CSMD1: variants seen among roughly 807,000 people sequenced by gnomAD.
CSMD1 encodes CUB and sushi domain-containing protein 1.
In CSMD1, 213 loss-of-function variants were observed where a neutral mutation model predicts 417.5. That is an observed-to-expected ratio of 0.51 (90% CI 0.46 to 0.57). The LOEUF is 0.57. Ranked by LOEUF, CSMD1 falls within the 20% of genes least tolerant of loss-of-function variation. The probability of loss-of-function intolerance (pLI) is 0.00; values close to 1 mark genes in which losing one functional copy is unlikely to be tolerated. For synonymous variants in CSMD1, 2,862 were observed against 1,736.8 expected, an observed-to-expected ratio of 1.65 and a Z score of -16.11; for missense variants, 6,923 against 4,529.7, an observed-to-expected ratio of 1.53 and a Z score of -15.17.
chr8:4,779,199 C>G (rs1797025978), intron 1 of CSMD1, among the ~76,000 whole-genome samples: 4 of 152,174 alleles, frequency 2.6e-5, no homozygotes, highest in African/African-American at 9.7e-5. Flanking sequence ...CATATGCTAA[C>G]TGGTCTGATT....
rs902328131 is a variant in CSMD1, at chr8:4,162,862, T to G, written c.416-130763A>C. The stretch of plus-strand genomic sequence containing the variant: ...TTCACCATTGCAGTATCACACTGAG[T>G]AGTTTCCCCGCCCTAAAAATTTCCC... On this transcript the variant is annotated intron_variant, in intron 3 of 69. Coordinates refer to ENST00000635120, the MANE Select transcript of CSMD1 (RefSeq NM_033225.6). 2.6e-5 allele frequency among the ~76,000 whole-genome samples: 4 copies of G among 152,150 alleles called. No individual in the cohort carries two copies. The South Asian group carries it at 8.3e-4, about 32-fold the overall frequency.
intron 10 of CSMD1, among the ~76,000 whole-genome samples, chr8:3,556,552 C>CACCCTCTCT (rs1554468421): frequency 7.2e-6 from 1 of 139,736 alleles, no homozygotes; most frequent in African/African-American, 2.7e-5. Context: ...ACACACACAC[C>CACCCTCTCT]CTCTCTCTCT....
chr8:4,189,181 G>T (rs979078932), intron 3 of CSMD1, among the ~76,000 whole-genome samples: 3 of 152,222 alleles, frequency 2.0e-5, no homozygotes, highest in Non-Finnish European at 2.9e-5. Context: ...CACACAGCAC[G>T]TAAGTGCCCA....
chr8:4,613,487 T>C (rs1462443355), intron 2 of CSMD1, among the ~76,000 whole-genome samples: 1 of 152,158 alleles, frequency 6.6e-6, no homozygotes, highest in African/African-American at 2.4e-5. Context: ...TGGAAGAGCA[T>C]ACTTACACTA....
intron 3 of CSMD1, among the ~76,000 whole-genome samples, chr8:4,257,639 T>C (rs1048054902): frequency 1.2e-4 from 19 of 152,212 alleles, no homozygotes; most frequent in Non-Finnish European, 1.5e-5. Context: ...TTTCAGGAAA[T>C]ACATCACATT....
intron 1 of CSMD1, among the ~76,000 whole-genome samples, chr8:4,962,931 G>A (rs1250000412): frequency 6.6e-6 from 1 of 152,184 alleles, no homozygotes; most frequent in Non-Finnish European, 1.5e-5. Flanking sequence ...AAAGCAGGAT[G>A]AGAGATGGGA....
intron 49 of CSMD1, among the ~76,000 whole-genome samples, chr8:3,083,404 C>T (rs2129004104): frequency 6.6e-6 from 1 of 151,086 alleles, no homozygotes; most frequent in South Asian, 2.1e-4. Flanking sequence ...GTGCTTTCTT[C>T]TTTTTAAAGT....
chr8:3,886,442 T>C (rs145546344), intron 5 of CSMD1, among the ~76,000 whole-genome samples: 101 of 152,340 alleles, frequency 6.6e-4, no homozygotes, highest in African/African-American at 2.2e-3. Context: ...TAACATATTC[T>C]TTACAAGGCC....
chr8:4,435,544 C>A (rs1295890128), intron 2 of CSMD1, among the ~76,000 whole-genome samples: 1 of 152,158 alleles, frequency 6.6e-6, no homozygotes, highest in South Asian at 2.1e-4. Flanking sequence ...CTTCAACACT[C>A]AAAACATTTT....
intron 4 of CSMD1, among the ~76,000 whole-genome samples, chr8:4,027,980 C>A (rs1797150283): frequency 6.6e-6 from 1 of 152,100 alleles, no homozygotes. Context: ...CAATGGCACT[C>A]TCTTAAGTGA....
At chr8:4,944,521 C>G (rs1314308186) in intron 1 of CSMD1, among the ~76,000 whole-genome samples, 1 of 152,152 alleles carries the variant, frequency 6.6e-6, no homozygotes, top group South Asian at 2.1e-4. Context: ...ATCAGAGACT[C>G]AGACTCAGAG....
At chr8:3,835,904 T>C (rs1467165283) in intron 5 of CSMD1, among the ~76,000 whole-genome samples, 1 of 151,968 alleles carries the variant, frequency 6.6e-6, no homozygotes, top group Non-Finnish European at 1.5e-5. Context: ...TGATAAGACT[T>C]TTTTCAACAT....
chr8:3,720,911 G>A (rs1302304415), intron 6 of CSMD1, among the ~76,000 whole-genome samples: 2 of 152,044 alleles, frequency 1.3e-5, no homozygotes, highest in South Asian at 2.1e-4. Context: ...CGCTTCCCGG[G>A]TTCAAGTGTT....
At chr8:4,961,940 G>A (rs1262251721) in intron 1 of CSMD1, among the ~76,000 whole-genome samples, 1 of 151,380 alleles carries the variant, frequency 6.6e-6, no homozygotes, top group African/African-American at 2.4e-5. Context: ...TATAACATTT[G>A]TTATTGTCTG....
chr8:4,269,895 G>A lies in CSMD1; in HGVS notation c.415+150058C>T, dbSNP rs571507333. Among the ~76,000 whole-genome samples, 17 of 152,252 alleles carry A rather than the reference G, an allele frequency of 1.1e-4. No homozygotes were observed. In the East Asian group the frequency reaches 1.7e-3, roughly 16 times the overall value. ...CATCATTACTGGAGTTTATATTACA[G>A]AATTCCATTACAGATGGAGGAAGAA... On this transcript the variant is annotated intron_variant, in intron 3 of 69. Transcript: ENST00000635120.
intron 7 of CSMD1, among the ~76,000 whole-genome samples, chr8:3,675,377 T>G (rs1385359989): frequency 6.6e-6 from 1 of 152,176 alleles, no homozygotes. Context: ...CTCAGCAATG[T>G]GGGCTTGGAT....
chr8:3,406,743 G>C (rs978185059), intron 14 of CSMD1, among the ~76,000 whole-genome samples: 3 of 152,108 alleles, frequency 2.0e-5, no homozygotes, highest in Non-Finnish European at 4.4e-5. Context: ...TAGGCAGTTA[G>C]CATATCATAA....
intron 1 of CSMD1, among the ~76,000 whole-genome samples, chr8:4,985,966 T>G (rs892823130): frequency 6.6e-5 from 10 of 152,180 alleles, no homozygotes; most frequent in Admixed American, 5.2e-4. Context: ...AAAATGTGAC[T>G]CTTCTTAGTT....
chr8:4,655,278 C>T (rs1179436737), intron 1 of CSMD1, among the ~76,000 whole-genome samples: 1 of 152,214 alleles, frequency 6.6e-6, no homozygotes, highest in African/African-American at 2.4e-5. Flanking sequence ...GGGGTCACTG[C>T]CATGCTGCTA....
Sources: allele counts gnomAD v4.1 joint callset (sites outside exome capture counted in the v4.1 genomes callset), GRCh38; gene constraint gnomAD v4.1.1; transcripts MANE v1.5; gene names NCBI Gene and HGNC (gene_info 2026-07-23, HGNC 2026-07-21).